The following LRRC7 variants were observed in gnomAD, a reference collection of about 807,000 sequenced individuals.
LRRC7 encodes the protein leucine rich repeat containing 7, also known as leucine-rich repeat-containing protein 7.
LRRC7 carries 23 observed loss-of-function variants against 175.7 expected under a neutral mutation model. The ratio of observed to expected loss-of-function variants is 0.13; its 90% CI spans 0.09 to 0.19. The LOEUF is 0.19. LRRC7 is among the 10% of genes least tolerant of loss of function. LRRC7 has a pLI of 1.00. For synonymous variants in LRRC7, 685 were observed against 680.9 expected (o/e 1.01, Z -0.09); for missense variants, 1,354 against 1,904.7 (o/e 0.71, Z 5.38).
At chr1:69,865,945 A>G (rs1043555330) in intron 7 of LRRC7, among the ~76,000 whole-genome samples, 2 of 152,202 alleles carry the variant, frequency 1.3e-5, no homozygotes, top group African/African-American at 2.4e-5. Flanking sequence ...ATTTTGTGGC[A>G]GATAGAAAGT....
chr1:69,720,974 A>G (rs1379030344), intron 2 of LRRC7, among the ~76,000 whole-genome samples: 3 of 151,852 alleles, frequency 2.0e-5, no homozygotes, highest in African/African-American at 4.8e-5. Context: ...CAAAATAATC[A>G]TGGAAATCTT....
At chr1:69,850,938 A>G (rs1187488294) in intron 7 of LRRC7, among the ~76,000 whole-genome samples, 2 of 152,110 alleles carry the variant, frequency 1.3e-5, no homozygotes, top group Non-Finnish European at 2.9e-5. Flanking sequence ...GAGAGAACAC[A>G]AATAGAGAAG....
chr1:70,051,912 T>C (rs947909552), intron 22 of LRRC7, among the ~76,000 whole-genome samples: 2 of 152,058 alleles, frequency 1.3e-5, no homozygotes, highest in Admixed American at 1.3e-4. Context: ...TATAACCAGA[T>C]AAAGCTTAGC....
chr1:69,994,935 A>G (rs749946146), intron 11 of LRRC7, among the ~76,000 whole-genome samples: 1 of 152,118 alleles, frequency 6.6e-6, no homozygotes, highest in Non-Finnish European at 1.5e-5. Context: ...AGATATTATT[A>G]GTTTGATGTT....
At chr1:69,606,964 G>A (rs1647690173) in intron 1 of LRRC7, 1 of 152,082 alleles carries the variant, frequency 6.6e-6, no homozygotes. Flanking sequence ...CTACACTTAG[G>A]TTGTCAATGC....
intron 4 of LRRC7, among the ~76,000 whole-genome samples, chr1:69,823,738 CT>C (rs1460448616): frequency 6.6e-6 from 1 of 152,026 alleles, no homozygotes; most frequent in Non-Finnish European, 1.5e-5. Context: ...TCCTCTGATT[CT>C]TTTTTATTTC....
chr1:70,018,834 A>T lies in LRRC7; in HGVS notation c.1420+16A>T, dbSNP rs1657185177. ...GGTGATGAAGGTAAATTGTCAGTAG[A>T]AATTTCTTCTCTACTTATAATGATT... On this transcript the variant is annotated intron_variant, in intron 15 of 26. Coordinates refer to ENST00000651989, the MANE Select transcript of LRRC7 (RefSeq NM_001370785.2). 2 of 1,576,278 alleles carry T rather than the reference A, an allele frequency of 1.3e-6. No individual in the cohort carries two copies. Among genetic ancestry groups the T allele is most frequent in the Non-Finnish European group, 1.7e-6 (2 of 1,146,446 alleles).
chr1:69,568,606 T>C lies in LRRC7; in HGVS notation c.-34T>C. 2 of 1,350,382 alleles carry C rather than the reference T, an allele frequency of 1.5e-6. No individual in the cohort carries two copies. Among genetic ancestry groups the C allele is most frequent in the South Asian group, 2.3e-5 (2 of 85,122 alleles). 83.6% of individuals were successfully genotyped at this position (1,350,382 alleles called of 1,614,324 possible). A position where few individuals can be genotyped will look rare whatever the true frequency, so the allele number is the denominator to read the frequency against. ...CCTTGGCAGCTGCACGACTACGCTC[T>C]CCGAAACCTCATGGGCAGTTTCTCC... On this transcript the variant is annotated 5_prime_UTR_variant, in exon 1 of 27. Coordinates refer to ENST00000651989, the MANE Select transcript of LRRC7 (RefSeq NM_001370785.2).
At chr1:70,102,827 C>T (rs1388061253) in intron 25 of LRRC7, among the ~76,000 whole-genome samples, 1 of 152,160 alleles carries the variant, frequency 6.6e-6, no homozygotes, top group Non-Finnish European at 1.5e-5. Flanking sequence ...TAGAAGTTAA[C>T]TTGCCCAAGG....
At chr1:69,734,511 T>C (rs1035382378) in intron 2 of LRRC7, among the ~76,000 whole-genome samples, 13 of 152,004 alleles carry the variant, frequency 8.6e-5, no homozygotes, top group African/African-American at 3.1e-4. Context: ...TATCATTATC[T>C]ACAATATCAT....
chr1:70,022,574 T>C (rs1277767625), intron 16 of LRRC7, among the ~76,000 whole-genome samples: 2 of 152,322 alleles, frequency 1.3e-5, no homozygotes, highest in East Asian at 3.9e-4. Context: ...GTTTTTTCTC[T>C]GTATTTACAT....
chr1:69,768,437 A>G (rs1448359099), intron 3 of LRRC7, among the ~76,000 whole-genome samples: 1 of 152,144 alleles, frequency 6.6e-6, no homozygotes, highest in African/African-American at 2.4e-5. Context: ...CAAAATAACA[A>G]CACCCACTAT....
chr1:69,676,364 C>T (rs553669864), intron 1 of LRRC7, among the ~76,000 whole-genome samples: 1 of 152,084 alleles, frequency 6.6e-6, no homozygotes, highest in South Asian at 2.1e-4. Context: ...TTATCAAAAC[C>T]AGTGATATCC....
chr1:69,617,380 G>A (rs1649798937), intron 1 of LRRC7, among the ~76,000 whole-genome samples: 1 of 151,834 alleles, frequency 6.6e-6, no homozygotes, highest in African/African-American at 2.4e-5. Context: ...ACCAGCACTT[G>A]CTACAATGCC....
At chr1:69,647,936 T>A (rs1655237454) in intron 1 of LRRC7, among the ~76,000 whole-genome samples, 1 of 152,182 alleles carries the variant, frequency 6.6e-6, no homozygotes, top group Admixed American at 6.5e-5. Context: ...TAAAATTCAG[T>A]GATTCTTTGA....
chr1:69,713,105 A>G (rs1176818752), intron 2 of LRRC7, among the ~76,000 whole-genome samples: 2 of 152,148 alleles, frequency 1.3e-5, no homozygotes, highest in African/African-American at 2.4e-5. Context: ...GTAATAATAT[A>G]TTTTAGGCAT....
At chr1:69,624,191 C>A (rs1175408261) in intron 1 of LRRC7, among the ~76,000 whole-genome samples, 1 of 152,074 alleles carries the variant, frequency 6.6e-6, no homozygotes, top group Non-Finnish European at 1.5e-5. Context: ...CATAATAGTA[C>A]TATTAGTAAT....
chr1:69,757,764 A>G (rs1168059710), intron 2 of LRRC7, among the ~76,000 whole-genome samples: 1 of 151,988 alleles, frequency 6.6e-6, no homozygotes, highest in Non-Finnish European at 1.5e-5. Context: ...AACAAGAAGC[A>G]TGAACAATTG....
chr1:69,871,843 A>G (rs966964350), intron 7 of LRRC7, among the ~76,000 whole-genome samples: 7 of 151,998 alleles, frequency 4.6e-5, no homozygotes, highest in African/African-American at 1.7e-4. Flanking sequence ...TGTTCAAATA[A>G]TCTATGTATG....
Sources: gnomAD v4.1 joint callset for allele counts (sites outside exome capture counted in the v4.1 genomes callset) on GRCh38, gnomAD v4.1.1 for gene constraint, MANE v1.5 for transcripts, NCBI Gene and HGNC (gene_info 2026-07-23, HGNC 2026-07-21) for gene names.